Variants in SPATA7 observed in about 807,000 individuals in gnomAD.
SPATA7 encodes the protein spermatogenesis associated 7.
A neutral mutation model predicts 51.8 loss-of-function variants in SPATA7; 43 were observed. That is an observed-to-expected ratio of 0.83 (90% confidence interval 0.65 to 1.07). The LOEUF (loss-of-function observed/expected upper bound fraction) is 1.07, where lower values mean the gene tolerates loss of function less well. Among genes scored for constraint, SPATA7 ranks in the 50% least tolerant of loss-of-function variants. The pLI, the probability that SPATA7 is intolerant of heterozygous loss-of-function variation, is 0.00. For missense variants in SPATA7, 683 were observed against 701.3 expected, an observed-to-expected ratio of 0.97 and a Z score of 0.30; for synonymous variants, 230 against 252.8, an observed-to-expected ratio of 0.91 and a Z score of 0.86.
chr14:88,446,500 T>C (rs2077213964), intron 3 of SPATA7, among the ~76,000 whole-genome samples: 1 of 151,692 alleles, frequency 6.6e-6, no homozygotes, highest in Admixed American at 6.6e-5. Context: ...CTGCTCTGAT[T>C]TTAGTTATTT....
At chr14:88,415,176 A>T in intron 4 of SPATA7, 1 of 280,098 alleles carries the variant, frequency 3.6e-6, no homozygotes, top group South Asian at 3.6e-5. Context: ...CCCCATTATT[A>T]ATGTGTGGCT....
chr14:88,430,220 A>C (rs1224108419), intron 8 of SPATA7, among the ~76,000 whole-genome samples: 2 of 152,110 alleles, frequency 1.3e-5, no homozygotes, highest in Non-Finnish European at 2.9e-5. Flanking sequence ...AGGGAAGTAC[A>C]CACAATCCCC....
At chr14:88,443,895 T>G (rs1781574018) in intron 3 of SPATA7, among the ~76,000 whole-genome samples, 1 of 152,210 alleles carries the variant, frequency 6.6e-6, no homozygotes, top group South Asian at 2.1e-4. Flanking sequence ...GATGGACATT[T>G]GGGTTGGTTC....
intron 5 of SPATA7, among the ~76,000 whole-genome samples, chr14:88,425,477 A>C (rs1375318441): frequency 1.3e-5 from 2 of 152,158 alleles, no homozygotes; most frequent in Non-Finnish European, 2.9e-5. Flanking sequence ...AAGGATATAC[A>C]GATGTGTCCG....
At chr14:88,433,248 G>A (rs762301977) in intron 10 of SPATA7, 36 bp downstream of exon 10, 8 of 1,381,774 alleles carry the variant, frequency 5.8e-6, no homozygotes, top group Non-Finnish European at 8.2e-6. Context: ...TAATTCAGGA[G>A]TACATTAAAT....
chr14:88,414,717 C>T (rs766349737), intron 4 of SPATA7: 1 of 371,406 alleles, frequency 2.7e-6, no homozygotes, highest in South Asian at 2.1e-5. Flanking sequence ...GCTTTTGCTG[C>T]ATCCCAGAAA....
Position 88,469,827 on chromosome 14 carries a change from C to T in SPATA7, c.255-20C>T, listed in dbSNP as rs902993756. ...CATCTGAAACAGAACCACAACCCTA[C>T]CCTGCCTTTTTCTCCACAGGTCAGG... On this transcript the variant is annotated intron_variant, in intron 4 of 4. Coordinates refer to the SPATA7 transcript ENST00000556406. This position sits in a 1 kb window ranked among gnomAD's most constrained non-coding sequence, Gnocchi z 4.3. 1.6e-5 allele frequency: 25 copies of T among 1,601,076 alleles called. No individual in the cohort carries two copies. Among genetic ancestry groups the T allele is most frequent in the South Asian group, 4.4e-5 (4 of 90,760 alleles).
intron 5 of SPATA7, among the ~76,000 whole-genome samples, chr14:88,417,647 C>T (rs1405574242): frequency 6.6e-6 from 1 of 152,180 alleles, no homozygotes; most frequent in African/African-American, 2.4e-5. Flanking sequence ...AAACAATTGA[C>T]TTTAATGTTA....
In SPATA7 at chr14:88,454,961, A is replaced by G; in HGVS notation, c.178-99A>G. On this transcript the variant is annotated intron_variant, in intron 3 of 3. Transcript: ENST00000554802. ...TCAAACTTTAATGTGTATCAAAATC[A>G]CCTGGAAAACTAAAGTGATTTCTGG... 1.2e-5 allele frequency: 5 copies of G among 404,478 alleles called. 1 individual carries two copies. Among genetic ancestry groups the G allele is most frequent in the South Asian group, 9.0e-5 (5 of 55,524 alleles). The allele number at this position is 404,478 out of a possible 1,614,324, so 25.1% of individuals were successfully genotyped here. A position where few individuals can be genotyped will look rare whatever the true frequency, so the allele number is the denominator to read the frequency against.
At chr14:88,445,527 A>T (rs1327668612) in intron 3 of SPATA7, among the ~76,000 whole-genome samples, 1 of 152,000 alleles carries the variant, frequency 6.6e-6, no homozygotes, top group Non-Finnish European at 1.5e-5. Flanking sequence ...ACTGTGTTGA[A>T]TAGGAGTGGT....
chr14:88,398,777 G>A (rs996137752), intron 4 of SPATA7, among the ~76,000 whole-genome samples: 5 of 152,070 alleles, frequency 3.3e-5, no homozygotes, highest in African/African-American at 1.2e-4. Flanking sequence ...TATCAGCCAG[G>A]TGCAGTGGCT....
Position 88,386,138 on chromosome 14 carries a change from C to T in SPATA7, c.19+301C>T, listed in dbSNP as rs546627513. ...CCTCAGTAGCTCCCAGGCAGAGGAA[C>T]CAGGTTTGGTCTTTGGAGTCAGACC... On this transcript the variant is annotated intron_variant, in intron 1 of 11. Coordinates refer to ENST00000393545, the MANE Select transcript of SPATA7 (RefSeq NM_018418.5). 4.6e-5 allele frequency: 46 copies of T among 994,100 alleles called. No individual in the cohort carries two copies. The African/African-American group carries it at 7.2e-4, about 16-fold the overall frequency. The allele number at this position is 994,100 out of a possible 1,614,324, so 61.6% of individuals were successfully genotyped here.
chr14:88,415,526 T>A (rs1348523459), intron 4 of SPATA7, among the ~76,000 whole-genome samples: 1 of 151,760 alleles, frequency 6.6e-6, no homozygotes, highest in African/African-American at 2.4e-5. Context: ...TTTTATTTTT[T>A]AAATAAAAAA....
chr14:88,406,173 T>A (rs60648157), intron 4 of SPATA7, among the ~76,000 whole-genome samples: 5,378 of 152,300 alleles, frequency 0.035, 312 homozygotes, highest in African/African-American at 0.12. Context: ...TGTACTTTTC[T>A]GTCATAGCAG....
chr14:88,463,816 TG>T (rs1332576687), intron 4 of SPATA7, among the ~76,000 whole-genome samples: 1 of 151,514 alleles, frequency 6.6e-6, no homozygotes, highest in African/African-American at 2.4e-5. Context: ...AACTTTGATC[TG>T]AATTTCCTGA....
At chr14:88,459,673 G>A (rs144261613), downstream of SPATA7, among the ~76,000 whole-genome samples, 11 of 152,208 alleles carry the variant, frequency 7.2e-5, no homozygotes, top group East Asian at 3.9e-4. Context: ...TATCCGTTTT[G>A]CCAGTCTGTG....
At chr14:88,423,099 C>A (rs1401065310) in intron 5 of SPATA7, among the ~76,000 whole-genome samples, 1 of 152,142 alleles carries the variant, frequency 6.6e-6, no homozygotes, top group Admixed American at 6.6e-5. Flanking sequence ...CCCTCCTAAG[C>A]CCTTCCAGTC....
chr14:88,450,105 C>T (rs1012611971), intron 3 of SPATA7, among the ~76,000 whole-genome samples: 2 of 151,862 alleles, frequency 1.3e-5, no homozygotes, highest in Non-Finnish European at 1.5e-5. Context: ...CTAGTTATTC[C>T]ATTCAAGATA....
At chr14:88,390,367 G>A (rs1447099750) in intron 1 of SPATA7, among the ~76,000 whole-genome samples, 2 of 151,978 alleles carry the variant, frequency 1.3e-5, no homozygotes, top group Non-Finnish European at 2.9e-5. Context: ...TTCTATCTTG[G>A]TTCCACTTGA....
Sources: gnomAD v4.1 joint callset for allele counts (sites outside exome capture counted in the v4.1 genomes callset) on GRCh38, gnomAD v4.1.1 for gene constraint, Gnocchi (gnomAD v3.1) non-coding constraint, MANE v1.5 for transcripts, NCBI Gene and HGNC (gene_info 2026-07-23, HGNC 2026-07-21) for gene names.